The following REPS2 variants were observed in gnomAD, a reference collection of about 807,000 sequenced individuals.
The protein encoded by REPS2 is ralBP1-associated Eps domain-containing protein 2.
REPS2 carries 23 observed loss-of-function variants against 53.6 expected under a neutral mutation model. The ratio of observed to expected loss-of-function variants is 0.43; its 90% CI spans 0.31 to 0.61. REPS2 has a LOEUF of 0.61. Ranked by LOEUF, REPS2 falls within the 20% of genes least tolerant of loss-of-function variation. The pLI is 0.11. For synonymous variants in REPS2, 238 were observed against 218.6 expected (o/e 1.09, Z -0.78); for missense variants, 446 against 534.9 (o/e 0.83, Z 1.64).
chrX:17,029,789 C>A (rs2061686001), intron 5 of REPS2, among the ~76,000 whole-genome samples, 166 bp downstream of exon 5: 1 of 112,245 alleles, frequency 8.9e-6, no homozygotes, highest in African/African-American at 3.2e-5. Context: ...ATTACTAAAT[C>A]TTTTCTACTG....
chrX:17,069,813 T>A, intron 10 of REPS2, 127 bp from the exon 11 acceptor site: 1 of 358,486 alleles, frequency 2.8e-6, no homozygotes, highest in Non-Finnish European at 4.7e-6. Flanking sequence ...TTGTGAGACC[T>A]GTTTTTGTAA....
chrX:16,964,945 G>A (rs1344725557), intron 1 of REPS2, among the ~76,000 whole-genome samples: 5 of 78,816 alleles, frequency 6.3e-5, no homozygotes, highest in Admixed American at 1.3e-4. Flanking sequence ...CGGACGGGGC[G>A]GCTGGCCGGG....
chrX:17,037,587 A>T (rs1457441342), intron 5 of REPS2, among the ~76,000 whole-genome samples: 6 of 112,801 alleles, frequency 5.3e-5, no homozygotes, highest in African/African-American at 6.4e-5. Flanking sequence ...AAGTACTAGG[A>T]TTACAGGCGT....
chrX:17,162,970 A>T, the REPS2 span, among the ~76,000 whole-genome samples: 1 of 112,304 alleles, frequency 8.9e-6, no homozygotes, highest in East Asian at 2.8e-4. Context: ...ATATAAAAAG[A>T]AACAAGAAAA....
intron 14 of REPS2, among the ~76,000 whole-genome samples, chrX:17,108,362 G>A (rs1046776222): frequency 2.7e-5 from 3 of 109,470 alleles, no homozygotes; most frequent in African/African-American, 1.0e-4. Flanking sequence ...TAGTAGAGAT[G>A]GGGGTTTCAC....
At chrX:17,013,989 G>A (rs2061459972) in intron 2 of REPS2, among the ~76,000 whole-genome samples, 1 of 111,408 alleles carries the variant, frequency 9.0e-6, no homozygotes, top group African/African-American at 3.3e-5. Flanking sequence ...AACCTTTTGA[G>A]CTGTGGATTT....
intron 6 of REPS2, among the ~76,000 whole-genome samples, chrX:17,051,124 G>A (rs1481587068): frequency 9.0e-6 from 1 of 111,032 alleles, no homozygotes; most frequent in Non-Finnish European, 1.9e-5. Context: ...GTCTTTCTGT[G>A]ACTGGCTTAT....
intron 1 of REPS2, among the ~76,000 whole-genome samples, chrX:16,996,192 G>A (rs919111790): frequency 3.6e-5 from 4 of 111,590 alleles, no homozygotes; most frequent in Admixed American, 1.9e-4. Flanking sequence ...ATCTAGATAG[G>A]GAAGAGGATG....
chrX:17,021,431 A>G (rs749355684), intron 2 of REPS2, among the ~76,000 whole-genome samples: 5 of 112,656 alleles, frequency 4.4e-5, no homozygotes, highest in Non-Finnish European at 9.4e-5. Context: ...CTGACTTGAT[A>G]TTGTTTTCCT....
rs768843503 is a variant in REPS2, at chrX:17,022,114, G to C, written c.398-9G>C. The C allele has an allele frequency of 3.3e-5, 39 of 1,192,245 alleles. 1 individual carries two copies. The South Asian group carries it at 7.0e-4, about 21-fold the overall frequency. On this transcript the variant is annotated splice_polypyrimidine_tract_variant and intron_variant, in intron 2 of 17. Transcript: ENST00000357277. ...CTGACTAGAGCTTCTCTGATTTCTG[G>C]TCCCAAAGAATTGCCTCTGCCTCGC...
At chrX:16,987,722 T>C (rs553427135) in intron 1 of REPS2, among the ~76,000 whole-genome samples, 1 of 112,594 alleles carries the variant, frequency 8.9e-6, no homozygotes, top group East Asian at 2.8e-4. Context: ...TGATTGTGTG[T>C]ACCCATGTTC....
At chrX:17,106,988 C>T (rs1262605212) in intron 14 of REPS2, among the ~76,000 whole-genome samples, 1 of 111,541 alleles carries the variant, frequency 9.0e-6, no homozygotes, top group African/African-American at 3.3e-5. Flanking sequence ...AATAACACCA[C>T]ACATCTACAA....
intron 13 of REPS2, among the ~76,000 whole-genome samples, chrX:17,097,951 G>A (rs997959054): frequency 1.8e-5 from 2 of 111,058 alleles, no homozygotes; most frequent in Non-Finnish European, 3.8e-5. Context: ...GGCTCTCCTG[G>A]GAAAATTTTT....
chrX:17,156,599 A>G (rs1395957109), downstream of REPS2, among the ~76,000 whole-genome samples: 1 of 111,100 alleles, frequency 9.0e-6, no homozygotes, highest in Non-Finnish European at 1.9e-5. Flanking sequence ...TTTTCTACAG[A>G]GAATACACCC....
chrX:17,047,622 T>G (rs1385919484), intron 6 of REPS2, 140 bp downstream of exon 6: 14 of 766,910 alleles, frequency 1.8e-5, no homozygotes, highest in Non-Finnish European at 2.4e-5. Context: ...TTATCAGATG[T>G]AAACCATGCA....
the REPS2 span, among the ~76,000 whole-genome samples, chrX:17,181,045 G>T: frequency 1.8e-5 from 2 of 111,736 alleles, no homozygotes; most frequent in African/African-American, 6.5e-5. Context: ...GTTCTTCCTT[G>T]CCTAAAAGTA....
chrX:16,971,375 A>G (rs1335249293), intron 1 of REPS2, among the ~76,000 whole-genome samples: 2 of 112,400 alleles, frequency 1.8e-5, no homozygotes, highest in African/African-American at 3.2e-5. Context: ...AGTTCTTTAT[A>G]TATTCTGGAT....
intron 14 of REPS2, among the ~76,000 whole-genome samples, chrX:17,124,475 C>T (rs2063181472): frequency 9.0e-6 from 1 of 111,700 alleles, no homozygotes; most frequent in Non-Finnish European, 1.9e-5. Flanking sequence ...ATTTACCCCT[C>T]TCTCTGAGCC....
intron 11 of REPS2, among the ~76,000 whole-genome samples, chrX:17,073,362 A>G (rs2062334999): frequency 8.9e-6 from 1 of 112,468 alleles, no homozygotes; most frequent in Non-Finnish European, 1.9e-5. Flanking sequence ...GTTGTCTTCC[A>G]TAGAGGATTG....
Sources: allele counts gnomAD v4.1 joint callset (sites outside exome capture counted in the v4.1 genomes callset), GRCh38; gene constraint gnomAD v4.1.1; transcripts MANE v1.5; gene names NCBI Gene and HGNC (gene_info 2026-07-23, HGNC 2026-07-21).